MYLK: variants seen among roughly 807,000 people sequenced by gnomAD.
The protein encoded by MYLK is myosin light chain kinase, smooth muscle.
MYLK carries 106 observed loss-of-function variants against 203.4 expected under a neutral mutation model. The observed-to-expected ratio is 0.52, with a 90% CI of 0.45 to 0.61. The LOEUF (loss-of-function observed/expected upper bound fraction) is 0.61. Among genes scored for constraint, MYLK ranks in the 20% least tolerant of loss-of-function variants. The probability of loss-of-function intolerance (pLI) is 0.00; values close to 1 mark genes in which losing one functional copy is unlikely to be tolerated. For synonymous variants in MYLK, 867 were observed against 959.5 expected (o/e 0.90, Z 1.78); for missense variants, 2,072 against 2,442.3 (o/e 0.85, Z 3.20).
intron 3 of MYLK, among the ~76,000 whole-genome samples, chr3:123,804,196 T>C (rs1679348945): frequency 6.6e-6 from 1 of 152,172 alleles, no homozygotes; most frequent in African/African-American, 2.4e-5. Flanking sequence ...ACTCCCTCAA[T>C]TCTGCCAGCA....
At chr3:123,677,112 C>A (rs763141246) in intron 20 of MYLK, among the ~76,000 whole-genome samples, 6 of 152,254 alleles carry the variant, frequency 3.9e-5, no homozygotes, top group Non-Finnish European at 8.8e-5. Context: ...CCTCAGGACA[C>A]TTTTGCTGCT....
intron 4 of MYLK, among the ~76,000 whole-genome samples, chr3:123,759,778 C>T (rs184941371): frequency 6.6e-5 from 10 of 152,342 alleles, no homozygotes; most frequent in African/African-American, 2.4e-4. Flanking sequence ...AGCCTATCTG[C>T]AGCCGTTCTC....
chr3:123,729,324 T>C (rs2062399361), intron 11 of MYLK, among the ~76,000 whole-genome samples: 1 of 152,196 alleles, frequency 6.6e-6, no homozygotes, highest in Admixed American at 6.5e-5. Context: ...CTAAACTAAC[T>C]AAGCAGGGAC....
intron 2 of MYLK, among the ~76,000 whole-genome samples, chr3:123,854,390 C>G (rs570835618): frequency 3.3e-5 from 5 of 151,926 alleles, no homozygotes; most frequent in South Asian, 2.1e-4. Context: ...AAATCTGCAC[C>G]ATCTTGCTAT....
intron 3 of MYLK, among the ~76,000 whole-genome samples, chr3:123,819,187 C>T (rs2109283777): frequency 6.6e-6 from 1 of 152,320 alleles, no homozygotes; most frequent in African/African-American, 2.4e-5. Flanking sequence ...CAAGCAGAGG[C>T]ACTGACTGCC....
At chr3:123,758,490 G>C (rs1036841160) in intron 4 of MYLK, among the ~76,000 whole-genome samples, 4 of 152,074 alleles carry the variant, frequency 2.6e-5, no homozygotes, top group Non-Finnish European at 4.4e-5. Context: ...GGGTCTCCAG[G>C]GACAGATGCT....
intron 13 of MYLK, among the ~76,000 whole-genome samples, chr3:123,710,311 G>T (rs1316650055): frequency 6.8e-6 from 1 of 146,280 alleles, no homozygotes; most frequent in African/African-American, 2.5e-5. Context: ...CATCTTGCCA[G>T]AAATGATCTA....
intron 4 of MYLK, among the ~76,000 whole-genome samples, chr3:123,783,947 G>C (rs1216102027): frequency 6.6e-6 from 1 of 152,162 alleles, no homozygotes; most frequent in Non-Finnish European, 1.5e-5. Flanking sequence ...GACATTTATA[G>C]CATAATCACT....
intron 1 of MYLK, among the ~76,000 whole-genome samples, chr3:123,879,844 CG>C (rs1428935955): frequency 4.6e-5 from 7 of 152,006 alleles, no homozygotes; most frequent in African/African-American, 1.7e-4. Flanking sequence ...TTAGTAGAGA[CG>C]GGGTTTCACC....
At chr3:123,740,252 GAAGTT>G (rs3085179) in intron 5 of MYLK, among the ~76,000 whole-genome samples, 141,293 of 151,946 alleles carry the variant, frequency 0.93, 66,493 homozygotes, top group East Asian at 1. Context: ...AAGATTCAGA[GAAGTT>G]AAGTCATCCA....
chr3:123,636,104 G>A (rs562099195), intron 29 of MYLK, among the ~76,000 whole-genome samples: 11 of 152,172 alleles, frequency 7.2e-5, no homozygotes, highest in Non-Finnish European at 1.2e-4. Context: ...TTCTTGATCC[G>A]GGTAGAGGTT....
intron 14 of MYLK, 70 bp from the exon 15 acceptor site, chr3:123,708,965 G>A (rs780183222): frequency 2.3e-6 from 3 of 1,323,544 alleles, no homozygotes; most frequent in South Asian, 2.4e-5. Context: ...ACTCTGCGCT[G>A]AATGCAGTGA....
chr3:123,727,766 G>GA (rs59442169), intron 11 of MYLK, among the ~76,000 whole-genome samples: 5,672 of 152,088 alleles, frequency 0.037, 201 homozygotes, highest in South Asian at 0.1. Flanking sequence ...CTTGTAGGGA[G>GA]AAAAAAGAGG....
intron 22 of MYLK, among the ~76,000 whole-genome samples, chr3:123,665,442 C>T (rs1181539281): frequency 2.0e-5 from 3 of 152,230 alleles, no homozygotes; most frequent in East Asian, 3.8e-4. Flanking sequence ...TTGAGACCAA[C>T]CCTACTTTCC....
At chr3:123,784,836 G>A (rs1330983940) in intron 4 of MYLK, among the ~76,000 whole-genome samples, 2 of 152,144 alleles carry the variant, frequency 1.3e-5, no homozygotes, top group African/African-American at 4.8e-5. Context: ...TGAGGGGGCG[G>A]ACTGCAAGCC....
At chr3:123,731,619 A>T (rs545738431) in intron 11 of MYLK, among the ~76,000 whole-genome samples, 1 of 152,298 alleles carries the variant, frequency 6.6e-6, no homozygotes, top group South Asian at 2.1e-4. Context: ...CAGTGTAGTG[A>T]ATTCCTATGT....
chr3:123,700,819 AGTGTGCTGCCTC>A lies in MYLK; in HGVS notation c.2637_2648del (p.Arg880_Thr883del). On this transcript the variant is annotated inframe_deletion, in exon 18 of 34. Transcript: ENST00000360304. The stretch of plus-strand genomic sequence containing the variant: ...CCTCCTGCTGGCGGATCGCCTCCTC[AGTGTGCTGCCTC>A]GTCTCCACGCGCCTCTTCAGCACCC... The A allele has an allele frequency of 6.2e-7, 1 of 1,614,084 alleles. No homozygotes were observed. Among genetic ancestry groups the A allele is most frequent in the Non-Finnish European group, 8.5e-7 (1 of 1,180,028 alleles).
chr3:123,795,716 T>C (rs1456128), intron 3 of MYLK, among the ~76,000 whole-genome samples: 3 of 152,136 alleles, frequency 2.0e-5, no homozygotes, highest in African/African-American at 7.3e-5. Context: ...CTGACGATCA[T>C]TTCTTACCAC....
chr3:123,785,469 G>C (rs1249513197), intron 4 of MYLK, among the ~76,000 whole-genome samples: 2 of 152,216 alleles, frequency 1.3e-5, no homozygotes, highest in East Asian at 3.8e-4. Context: ...GCACATTCAA[G>C]CTTGCTGGGA....
Sources: gnomAD v4.1 joint callset for allele counts (sites outside exome capture counted in the v4.1 genomes callset) on GRCh38, gnomAD v4.1.1 for gene constraint, MANE v1.5 for transcripts, NCBI Gene and HGNC (gene_info 2026-07-23, HGNC 2026-07-21) for gene names.